The following DLGAP2 variants were observed in gnomAD, a reference collection of about 807,000 sequenced individuals.
The protein encoded by DLGAP2 is DLG associated protein 2.
DLGAP2 carries 26 observed loss-of-function variants against 100.3 expected under a neutral mutation model. The ratio of observed to expected loss-of-function variants is 0.26; its 90% CI spans 0.19 to 0.36. The LOEUF (loss-of-function observed/expected upper bound fraction) is 0.36, where lower values mean the gene tolerates loss of function less well. Among genes scored for constraint, DLGAP2 ranks in the 10% least tolerant of loss-of-function variants. DLGAP2 has a pLI of 1.00. For missense variants in DLGAP2, 1,858 were observed against 1,453.2 expected (o/e 1.28, Z -4.53); for synonymous variants, 886 against 630.1 (o/e 1.41, Z -6.08).
intron 3 of DLGAP2, among the ~76,000 whole-genome samples, chr8:1,471,929 C>T (rs1410955215): frequency 6.6e-6 from 1 of 152,242 alleles, no homozygotes; most frequent in Middle Eastern, 3.2e-3. Flanking sequence ...GCAACCACTT[C>T]TTGTGCCCAG....
At chr8:920,850 A>G (rs1798698715) in intron 2 of DLGAP2, among the ~76,000 whole-genome samples, 1 of 152,234 alleles carries the variant, frequency 6.6e-6, no homozygotes, top group South Asian at 2.1e-4. Flanking sequence ...CTTTGCCCGA[A>G]AAACTCTGTG....
chr8:1,022,883 T>C (rs1801669974), intron 2 of DLGAP2, among the ~76,000 whole-genome samples: 1 of 152,264 alleles, frequency 6.6e-6, no homozygotes, highest in Admixed American at 6.5e-5. Flanking sequence ...TTCAGAGTGT[T>C]GTCTTTGCAC....
At chr8:1,243,589 G>A (rs1006386140) in intron 2 of DLGAP2, among the ~76,000 whole-genome samples, 26 of 151,826 alleles carry the variant, frequency 1.7e-4, no homozygotes, top group African/African-American at 6.3e-4. Flanking sequence ...TTATGTTCTG[G>A]TTTCCTCACA....
chr8:1,441,110 C>T (rs1213219992), intron 3 of DLGAP2, among the ~76,000 whole-genome samples: 1 of 152,010 alleles, frequency 6.6e-6, no homozygotes, highest in Non-Finnish European at 1.5e-5. Flanking sequence ...GAATAAAAAG[C>T]TCCAAGAAAT....
At chr8:1,565,590 A>G in intron 5 of DLGAP2, 93 bp from the exon 6 acceptor site, 2 of 956,240 alleles carry the variant, frequency 2.1e-6, no homozygotes, top group South Asian at 3.4e-5. Context: ...GTGTATCTTT[A>G]TGGAATTGTA....
At chr8:1,446,710 C>A (rs1231788965) in intron 3 of DLGAP2, among the ~76,000 whole-genome samples, 2 of 152,200 alleles carry the variant, frequency 1.3e-5, no homozygotes, top group Admixed American at 6.5e-5. Context: ...AATATTGATT[C>A]TTCCTACCAA....
At chr8:1,182,041 G>C (rs1479631809) in intron 2 of DLGAP2, among the ~76,000 whole-genome samples, 1 of 152,240 alleles carries the variant, frequency 6.6e-6, no homozygotes, top group African/African-American at 2.4e-5. Flanking sequence ...CAGCCTCTGT[G>C]CTGCAGTGCG....
At chr8:1,526,123 A>G (rs538250244) in intron 4 of DLGAP2, among the ~76,000 whole-genome samples, 1 of 151,118 alleles carries the variant, frequency 6.6e-6, no homozygotes, top group African/African-American at 2.4e-5. Context: ...TGTAATGACA[A>G]TGCTGTGAGC....
intron 3 of DLGAP2, among the ~76,000 whole-genome samples, chr8:1,465,357 G>A (rs1798595764): frequency 6.6e-6 from 1 of 152,054 alleles, no homozygotes; most frequent in Admixed American, 6.6e-5. Context: ...GCAGAGGGAA[G>A]GGGACAGATG....
intron 6 of DLGAP2, among the ~76,000 whole-genome samples, chr8:1,598,389 A>G (rs1254734403): frequency 1.3e-5 from 2 of 152,226 alleles, no homozygotes; most frequent in Non-Finnish European, 2.9e-5. Flanking sequence ...AAAATGAGTT[A>G]GAGAGGAGTC....
At chr8:786,072 G>A (rs1248188621) in intron 1 of DLGAP2, among the ~76,000 whole-genome samples, 1 of 152,196 alleles carries the variant, frequency 6.6e-6, no homozygotes, top group Non-Finnish European at 1.5e-5. Context: ...GCTGCCCGCC[G>A]CCTCCGTAAC....
chr8:1,475,563 C>A (rs962869713), intron 3 of DLGAP2, among the ~76,000 whole-genome samples: 1 of 152,154 alleles, frequency 6.6e-6, no homozygotes, highest in Non-Finnish European at 1.5e-5. Flanking sequence ...TGGGAGTAAA[C>A]GTCTTCCATA....
chr8:1,684,116 G>C (rs1255683563), intron 12 of DLGAP2, among the ~76,000 whole-genome samples: 1 of 150,536 alleles, frequency 6.6e-6, no homozygotes, highest in Admixed American at 6.6e-5. Context: ...TGAGTAGCTG[G>C]GATTACAGCT....
intron 2 of DLGAP2, among the ~76,000 whole-genome samples, chr8:1,062,968 G>T (rs1278263873): frequency 6.6e-6 from 1 of 152,196 alleles, no homozygotes; most frequent in Non-Finnish European, 1.5e-5. Context: ...CAGCAGCCGG[G>T]CTGCTGGTTT....
At chr8:819,088 A>G (rs907467387) in intron 1 of DLGAP2, among the ~76,000 whole-genome samples, 3 of 152,242 alleles carry the variant, frequency 2.0e-5, no homozygotes, top group Non-Finnish European at 4.4e-5. Flanking sequence ...CCAGAATTTG[A>G]TAAGTATCAC....
At chr8:1,106,332 C>A (rs966189449) in intron 2 of DLGAP2, among the ~76,000 whole-genome samples, 1 of 123,884 alleles carries the variant, frequency 8.1e-6, no homozygotes. Context: ...GGAGCCATTC[C>A]AGTAGGGTTT....
chr8:1,660,118 G>T lies in DLGAP2; in HGVS notation c.1811-8211G>T, dbSNP rs568885431. Among the ~76,000 whole-genome samples the T allele has an allele frequency of 6.6e-5, 10 of 152,152 alleles. 1 individual carries two copies. The East Asian group carries it at 1.9e-3, about 29-fold the overall frequency. ...TCACTTATTTAGTTTGTTTAGTTTG[G>T]TTGCCTGTGAAATTCTGGTTGAAAA... On this transcript the variant is annotated intron_variant, in intron 8 of 14. Transcript: ENST00000637795.
At chr8:882,760 C>G (rs548796068) in intron 1 of DLGAP2, among the ~76,000 whole-genome samples, 2 of 150,930 alleles carry the variant, frequency 1.3e-5, no homozygotes, top group South Asian at 2.1e-4. Flanking sequence ...CGGTACCTCT[C>G]CCTGCGGAGG....
intron 3 of DLGAP2, among the ~76,000 whole-genome samples, chr8:1,455,273 C>T (rs953404495): frequency 6.6e-6 from 1 of 152,248 alleles, no homozygotes; most frequent in African/African-American, 2.4e-5. Context: ...CCATCTCAGG[C>T]ACTGATTCTC....
Sources: allele counts gnomAD v4.1 joint callset (sites outside exome capture counted in the v4.1 genomes callset), GRCh38; gene constraint gnomAD v4.1.1; transcripts MANE v1.5; gene names NCBI Gene and HGNC (gene_info 2026-07-23, HGNC 2026-07-21).